The following MECOM variants were observed in gnomAD, a reference collection of about 807,000 sequenced individuals.
MECOM encodes the protein histone-lysine N-methyltransferase MECOM.
Under a neutral mutation model 116.3 loss-of-function variants are expected in MECOM, and 13 were observed. The observed-to-expected ratio is 0.11, with a 90% CI of 0.07 to 0.18. The LOEUF (loss-of-function observed/expected upper bound fraction) is 0.18, where lower values mean the gene tolerates loss of function less well. Ranked by LOEUF, MECOM falls within the 10% of genes least tolerant of loss-of-function variation. The pLI, the probability that MECOM is intolerant of heterozygous loss-of-function variation, is 1.00. For missense variants in MECOM, 1,299 were observed against 1,509.0 expected (o/e 0.86, Z 2.31); for synonymous variants, 528 against 535.2 (o/e 0.99, Z 0.19).
At chr3:169,369,754 CA>C (rs1355905024) in intron 2 of MECOM, among the ~76,000 whole-genome samples, 7 of 151,922 alleles carry the variant, frequency 4.6e-5, no homozygotes, top group Non-Finnish European at 7.4e-5. Context: ...CTTCTCTTGG[CA>C]TTTTCTCTGT....
chr3:169,382,524 G>T (rs1732574538), intron 1 of MECOM, among the ~76,000 whole-genome samples: 1 of 147,682 alleles, frequency 6.8e-6, no homozygotes, highest in Admixed American at 6.9e-5. Context: ...ACCAATCAAA[G>T]GGGATTTCAG....
At chr3:169,434,904 AT>A (rs1282744261) in intron 1 of MECOM, among the ~76,000 whole-genome samples, 1 of 152,168 alleles carries the variant, frequency 6.6e-6, no homozygotes, top group Admixed American at 6.5e-5. Flanking sequence ...ACATCATTTT[AT>A]AGTTATAAAC....
chr3:169,241,611 A>G (rs1252081886), intron 2 of MECOM, among the ~76,000 whole-genome samples: 1 of 152,210 alleles, frequency 6.6e-6, no homozygotes, highest in Admixed American at 6.5e-5. Context: ...ACCTTACTCT[A>G]TCAAGAAGCA....
At position 169,178,779 on chromosome 3, in the gene MECOM, A is replaced by G. The variant is rs1034624458; in HGVS notation, c.376-34947T>C. On this transcript the variant is annotated intron_variant, in intron 2 of 16. Coordinates refer to ENST00000651503, the MANE Select transcript of MECOM (RefSeq NM_004991.4). ...TGTTACGCTAGATATCCAACATCCA[A>G]TGTTTTATTGTTTTTCTCATAACTC... is the stretch of plus-strand genomic sequence containing the variant. Among the ~76,000 whole-genome samples, 12 of 152,186 alleles carry G rather than the reference A, an allele frequency of 7.9e-5. 1 individual carries two copies. The highest frequency in any genetic ancestry group is 2.0e-4 in the Admixed American group (3 of 15,274).
intron 2 of MECOM, among the ~76,000 whole-genome samples, chr3:169,365,876 A>G (rs1265244490): frequency 1.3e-5 from 2 of 152,018 alleles, no homozygotes; most frequent in Non-Finnish European, 2.9e-5. Flanking sequence ...ACAAAGGAAA[A>G]CTGAGTAATC....
chr3:169,485,062 T>A (rs747018883), intron 1 of MECOM, among the ~76,000 whole-genome samples: 2 of 152,140 alleles, frequency 1.3e-5, no homozygotes, highest in Non-Finnish European at 2.9e-5. Flanking sequence ...TGGTATGATA[T>A]CGGCTCACTG....
At chr3:169,477,103 GTGTATATATATATATATATATATA>G (rs1317367751) in intron 1 of MECOM, 1 of 56,286 alleles carries the variant, frequency 1.8e-5, no homozygotes, top group African/African-American at 8.5e-5. Context: ...GTGTGTGTGT[GTGTATATATATATATATATATATA>G]TATATATATA....
At position 169,511,659 on chromosome 3, in the gene MECOM, C is replaced by G. The variant is rs181837281; in HGVS notation, c.38-130135G>C. Among the ~76,000 whole-genome samples the G allele has an allele frequency of 2.3e-4, 35 of 151,990 alleles. No individual in the cohort carries two copies. The East Asian group carries it at 6.6e-3, about 29-fold the overall frequency. On this transcript the variant is annotated intron_variant, in intron 1 of 16. Coordinates refer to ENST00000651503, the MANE Select transcript of MECOM (RefSeq NM_004991.4). ...GGCGCTTGTAGTCCCAGCTACTCAA[C>G]TTGGGAGGCTGAGGCACTAGAATTG...
At chr3:169,267,438 C>A (rs1758446646) in intron 2 of MECOM, among the ~76,000 whole-genome samples, 2 of 152,142 alleles carry the variant, frequency 1.3e-5, no homozygotes, top group African/African-American at 4.8e-5. Flanking sequence ...GCTGGATGAT[C>A]CTAAGGAAAC....
chr3:169,265,406 C>T (rs935524963), intron 2 of MECOM, among the ~76,000 whole-genome samples: 3 of 152,194 alleles, frequency 2.0e-5, no homozygotes. Flanking sequence ...TTCTCTATAG[C>T]AAGAAAGTGC....
chr3:169,129,503 T>C (rs1457512729), intron 4 of MECOM, among the ~76,000 whole-genome samples: 1 of 151,914 alleles, frequency 6.6e-6, no homozygotes, highest in African/African-American at 2.4e-5. Context: ...GTTTAGTTTA[T>C]ACTAAACCAG....
At chr3:169,264,899 C>T (rs1758068718) in intron 2 of MECOM, among the ~76,000 whole-genome samples, 1 of 152,124 alleles carries the variant, frequency 6.6e-6, no homozygotes, top group Admixed American at 6.5e-5. Context: ...GAGATTATTC[C>T]CATGGACTCT....
chr3:169,662,140 C>G (rs993074405), intron 1 of MECOM, among the ~76,000 whole-genome samples: 2 of 152,262 alleles, frequency 1.3e-5, no homozygotes, highest in African/African-American at 4.8e-5. Context: ...AGTCATCCAA[C>G]ACTTTTGCTG....
Position 169,649,539 on chromosome 3 carries a change from C to T in MECOM, c.37+13797G>A, listed in dbSNP as rs542179701. Among the ~76,000 whole-genome samples, 16 of 151,502 alleles carry T rather than the reference C, an allele frequency of 1.1e-4. No individual in the cohort carries two copies. In the South Asian group the frequency reaches 3.1e-3, roughly 30 times the overall value. On this transcript the variant is annotated intron_variant, in intron 1 of 16. Coordinates refer to ENST00000651503, the MANE Select transcript of MECOM (RefSeq NM_004991.4). ...TTTGTCCCTGTTAATAAATCATTTTCAGGGGTATATGTATGTCTGTCAAAT... is the reference window on the plus strand; with the variant it reads ...TTTGTCCCTGTTAATAAATCATTTTTAGGGGTATATGTATGTCTGTCAAAT...
At chr3:169,548,674 C>T (rs369287544) in intron 1 of MECOM, among the ~76,000 whole-genome samples, 1 of 152,222 alleles carries the variant, frequency 6.6e-6, no homozygotes, top group East Asian at 1.9e-4. Context: ...TGAATGCAGA[C>T]GTGTAAATAC....
At chr3:169,536,012 C>T (rs1182576145) in intron 1 of MECOM, among the ~76,000 whole-genome samples, 2 of 152,212 alleles carry the variant, frequency 1.3e-5, no homozygotes, top group Admixed American at 1.3e-4. Flanking sequence ...TCTGTTCAGA[C>T]TGTGCTATGC....
chr3:169,490,856 C>A (rs1752999854), intron 1 of MECOM, among the ~76,000 whole-genome samples: 1 of 151,912 alleles, frequency 6.6e-6, no homozygotes, highest in African/African-American at 2.4e-5. Flanking sequence ...TTTTTATGTT[C>A]TTTTTCATGT....
intron 1 of MECOM, among the ~76,000 whole-genome samples, chr3:169,418,698 C>A (rs748333527): frequency 5.9e-5 from 9 of 152,048 alleles, no homozygotes; most frequent in Non-Finnish European, 1.0e-4. Context: ...ATTCAACACC[C>A]CTTCACGATA....
intron 1 of MECOM, among the ~76,000 whole-genome samples, chr3:169,533,138 T>G (rs1401305123): frequency 6.6e-6 from 1 of 151,250 alleles, no homozygotes; most frequent in African/African-American, 2.5e-5. Context: ...TTCTGCTTGG[T>G]TGGAATATTA....
Sources: allele counts gnomAD v4.1 joint callset (sites outside exome capture counted in the v4.1 genomes callset), GRCh38; gene constraint gnomAD v4.1.1; transcripts MANE v1.5; gene names NCBI Gene and HGNC (gene_info 2026-07-23, HGNC 2026-07-21).